SLC30A7: variants seen among roughly 807,000 people sequenced by gnomAD.
The protein encoded by SLC30A7 is zinc transporter 7.
Under a neutral mutation model 46.0 loss-of-function variants are expected in SLC30A7, and 35 were observed. The observed-to-expected ratio is 0.76, with a 90% CI of 0.58 to 1.01. The LOEUF (loss-of-function observed/expected upper bound fraction) is 1.01, where lower values mean the gene tolerates loss of function less well. Ranked by LOEUF, SLC30A7 falls within the 50% of genes least tolerant of loss-of-function variation. The probability of loss-of-function intolerance (pLI) is 0.00; values close to 1 mark genes in which losing one functional copy is unlikely to be tolerated. For synonymous variants in SLC30A7, 147 were observed against 157.8 expected (o/e 0.93, Z 0.51); for missense variants, 464 against 451.1 (o/e 1.03, Z -0.26).
In SLC30A7 at chr1:100,906,880, A is replaced by G. The variant is rs774204934; in HGVS notation, c.211A>G (p.Met71Val). ...CLGLISDSFH[M>V]FFDSTAILAG... The stretch of plus-strand genomic sequence containing the variant: ...AGGCTTGATTTCCGACTCTTTTCAC[A>G]TGTTTTTCGATAGCACTGCCATTTT... The change falls in exon 3 of 11, where the codon ATG (methionine) becomes GTG (valine). Residue 71 changes from methionine (M) to valine (V), a missense_variant. Coordinates refer to ENST00000357650, the MANE Select transcript of SLC30A7 (RefSeq NM_133496.5). 2 of 1,613,100 alleles carry G rather than the reference A, an allele frequency of 1.2e-6. No individual in the cohort carries two copies. Among genetic ancestry groups the G allele is most frequent in the East Asian group, 4.5e-5 (2 of 44,848 alleles).
the SLC30A7 span, chr1:100,990,415 C>T: frequency 6.2e-7 from 1 of 1,612,966 alleles, no homozygotes; most frequent in African/African-American, 1.3e-5. Context: ...TGTTCAAAGT[C>T]CATTGATGCT....
rs189328817 is a variant in SLC30A7, at chr1:100,958,585, G to T, written c.843-3243G>T. On this transcript the variant is annotated intron_variant, in intron 8 of 10. Transcript: ENST00000357650. ...CCTTTTTCCAGATGTTTTACTTACT[G>T]TGACTTTACTTTCTTTACTTTACTT... 3.3e-5 allele frequency among the ~76,000 whole-genome samples: 5 copies of T among 152,226 alleles called. No homozygotes were observed. The East Asian group carries it at 9.7e-4, about 29-fold the overall frequency.
chr1:100,927,435 G>A (rs1653376739), intron 8 of SLC30A7, among the ~76,000 whole-genome samples: 1 of 152,150 alleles, frequency 6.6e-6, no homozygotes, highest in South Asian at 2.1e-4. Context: ...GAAGAGTGAT[G>A]AGAATGAAAG....
At chr1:100,960,947 G>GTTTTTTTTT (rs11354218) in intron 8 of SLC30A7, among the ~76,000 whole-genome samples, 1 of 86,312 alleles carries the variant, frequency 1.2e-5, no homozygotes, top group African/African-American at 4.7e-5. Context: ...TGTTTTGTGT[G>GTTTTTTTTT]TTTTTTTTTT....
chr1:100,961,582 A>G lies in SLC30A7; in HGVS notation c.843-246A>G, dbSNP rs111365228. On this transcript the variant is annotated intron_variant, in intron 8 of 10. Transcript: ENST00000357650. ...ATGTGCTGGGTTTAGATGATATGAT[A>G]TTATTTCAGTTTTATAGCTTTACTC... Among the ~76,000 whole-genome samples the G allele has an allele frequency of 2.5e-3, 381 of 152,292 alleles. 4 individuals are homozygous for G. Among genetic ancestry groups the G allele is most frequent in the African/African-American group, 8.7e-3 (360 of 41,554 alleles).
At chr1:100,990,111 G>T in the SLC30A7 span, 1 of 371,844 alleles carries the variant, frequency 2.7e-6, no homozygotes, top group Non-Finnish European at 5.0e-6. Flanking sequence ...ACATGGCTGG[G>T]AAGGCCTCAG....
intron 8 of SLC30A7, chr1:100,941,273 C>G: frequency 2.6e-6 from 1 of 378,592 alleles, no homozygotes. Context: ...TCCACCACCA[C>G]CAGAGCTACC....
At chr1:100,969,947 T>C (rs1357318025) in intron 10 of SLC30A7, among the ~76,000 whole-genome samples, 1 of 152,196 alleles carries the variant, frequency 6.6e-6, no homozygotes, top group Non-Finnish European at 1.5e-5. Context: ...CCTTATGCAA[T>C]TAGTATATGC....
intron 7 of SLC30A7, among the ~76,000 whole-genome samples, chr1:100,918,704 A>T (rs1233989568): frequency 6.6e-6 from 1 of 152,192 alleles, no homozygotes; most frequent in East Asian, 1.9e-4. Context: ...GGGCAAAATC[A>T]TCTAACACAA....
chr1:100,994,841 TC>T, the SLC30A7 span, among the ~76,000 whole-genome samples: 1 of 152,198 alleles, frequency 6.6e-6, no homozygotes, highest in African/African-American at 2.4e-5. Flanking sequence ...ACCCATGTTT[TC>T]AGAATCCCAA....
chr1:100,946,721 A>T (rs1022465377), intron 8 of SLC30A7, among the ~76,000 whole-genome samples: 1 of 152,208 alleles, frequency 6.6e-6, no homozygotes, highest in African/African-American at 2.4e-5. Flanking sequence ...ATCGATGTTC[A>T]TTAAAGATAT....
intron 8 of SLC30A7, 59 bp downstream of exon 8, chr1:100,921,900 T>G: frequency 1.4e-6 from 2 of 1,413,068 alleles, no homozygotes; most frequent in Middle Eastern, 2.2e-4. Flanking sequence ...ATATGTTACT[T>G]AAATTATAGG....
At chr1:100,954,416 A>G (rs927848824) in intron 8 of SLC30A7, among the ~76,000 whole-genome samples, 1 of 152,182 alleles carries the variant, frequency 6.6e-6, no homozygotes, top group Non-Finnish European at 1.5e-5. Flanking sequence ...AAAAAAATTT[A>G]TGAAAGCATT....
In SLC30A7 at chr1:100,937,644, T is replaced by G. The variant is rs188652988; in HGVS notation, c.842+15803T>G. Among the ~76,000 whole-genome samples the G allele has an allele frequency of 8.3e-4, 126 of 152,328 alleles. 1 individual carries two copies. Among genetic ancestry groups the G allele is most frequent in the Middle Eastern group, 6.8e-3 (2 of 294 alleles). Reference sequence around the variant, plus strand: ...TGGGAAAATGTCTATTCAAATACTTTGTCCATTTTTAAATTGTTTGTTGTT... The same window carrying G: ...TGGGAAAATGTCTATTCAAATACTTGGTCCATTTTTAAATTGTTTGTTGTT... On this transcript the variant is annotated intron_variant, in intron 8 of 10. Coordinates refer to ENST00000357650, the MANE Select transcript of SLC30A7 (RefSeq NM_133496.5).
At chr1:100,992,649 C>T in the SLC30A7 span, 2 of 1,613,612 alleles carry the variant, frequency 1.2e-6, no homozygotes, top group South Asian at 2.2e-5. Context: ...GGTTCTTCTC[C>T]TCGTATTCTT....
chr1:100,992,833 C>A, the SLC30A7 span: 5 of 767,962 alleles, frequency 6.5e-6, no homozygotes, highest in African/African-American at 8.6e-5. Flanking sequence ...TACTCAAGTA[C>A]CACAGTCTAC....
intron 2 of SLC30A7, among the ~76,000 whole-genome samples, chr1:100,905,021 C>G: frequency 6.6e-6 from 1 of 151,918 alleles, no homozygotes; most frequent in East Asian, 1.9e-4. Context: ...GGATTTCCTT[C>G]CCTTCTTTTG....
chr1:100,987,444 T>C, the SLC30A7 span, among the ~76,000 whole-genome samples: 65 of 152,304 alleles, frequency 4.3e-4, 2 homozygotes, highest in South Asian at 0.012. Context: ...TTTCCTCAGA[T>C]TGGACAATTT....
chr1:100,942,537 T>G (rs1288486166), intron 8 of SLC30A7, among the ~76,000 whole-genome samples: 1 of 152,174 alleles, frequency 6.6e-6, no homozygotes, highest in Non-Finnish European at 1.5e-5. Flanking sequence ...ACCAAGCAAG[T>G]GTTAACCTGA....
Sources: allele counts gnomAD v4.1 joint callset (sites outside exome capture counted in the v4.1 genomes callset), GRCh38; gene constraint gnomAD v4.1.1; transcripts MANE v1.5; gene names NCBI Gene and HGNC (gene_info 2026-07-23, HGNC 2026-07-21).